The following PAPPA variants were observed in gnomAD, a reference collection of about 807,000 sequenced individuals.
PAPPA encodes the protein pappalysin 1.
In PAPPA, 60 loss-of-function variants were observed where a neutral mutation model predicts 164.0. That is an observed-to-expected ratio of 0.37 (90% CI 0.30 to 0.45). The LOEUF is 0.45. Ranked by LOEUF, PAPPA falls within the 20% of genes least tolerant of loss-of-function variation. The pLI is 1.00. For missense variants in PAPPA, 1,782 were observed against 2,087.3 expected (o/e 0.85, Z 2.85); for synonymous variants, 875 against 814.1 (o/e 1.07, Z -1.27).
intron 10 of PAPPA, among the ~76,000 whole-genome samples, chr9:116,326,097 A>G (rs1368162639): frequency 6.6e-6 from 1 of 152,160 alleles, no homozygotes; most frequent in South Asian, 2.1e-4. Context: ...CCAATGGTAC[A>G]TAGGCTTTCT....
At chr9:116,239,864 G>T (rs1212353857) in intron 7 of PAPPA, among the ~76,000 whole-genome samples, 1 of 152,096 alleles carries the variant, frequency 6.6e-6, no homozygotes, top group Non-Finnish European at 1.5e-5. Context: ...AGGCTTACAA[G>T]TCAGAGGCCA....
intron 9 of PAPPA, among the ~76,000 whole-genome samples, chr9:116,283,003 T>C (rs1401075943): frequency 6.6e-6 from 1 of 152,218 alleles, no homozygotes; most frequent in African/African-American, 2.4e-5. Flanking sequence ...TGAGTTTTTT[T>C]CATTTTATCT....
intron 15 of PAPPA, among the ~76,000 whole-genome samples, chr9:116,351,555 G>A (rs1037999520): frequency 6.6e-6 from 1 of 152,038 alleles, no homozygotes; most frequent in African/African-American, 2.4e-5. Flanking sequence ...GAATAATAAG[G>A]GCCCTGCTGA....
At chr9:116,179,707 C>T (rs554092278) in intron 1 of PAPPA, among the ~76,000 whole-genome samples, 62 of 152,220 alleles carry the variant, frequency 4.1e-4, no homozygotes, top group South Asian at 8.3e-4. Context: ...GTCTCCCCCC[C>T]GACTGAACCA....
At chr9:116,360,743 T>G (rs766482432) in intron 17 of PAPPA, among the ~76,000 whole-genome samples, 2 of 152,214 alleles carry the variant, frequency 1.3e-5, no homozygotes, top group Non-Finnish European at 2.9e-5. Flanking sequence ...CAAAAATATC[T>G]ATTAAGTGAT....
At chr9:116,385,875 C>G (rs756309622) in intron 21 of PAPPA, among the ~76,000 whole-genome samples, 6 of 152,140 alleles carry the variant, frequency 3.9e-5, no homozygotes, top group Non-Finnish European at 7.3e-5. Context: ...ATTAGAGGAG[C>G]CTGTTATTAA....
At chr9:116,246,238 C>A (rs1402341490) in intron 7 of PAPPA, among the ~76,000 whole-genome samples, 1 of 152,104 alleles carries the variant, frequency 6.6e-6, no homozygotes, top group Non-Finnish European at 1.5e-5. Context: ...ATGTCCTCAA[C>A]AGATTTTTCC....
chr9:116,213,730 C>A (rs1412287740), intron 4 of PAPPA, among the ~76,000 whole-genome samples: 4 of 151,988 alleles, frequency 2.6e-5, no homozygotes, highest in Admixed American at 6.6e-5. Context: ...TTTAAAGGAA[C>A]CCCTCAGCTC....
intron 7 of PAPPA, among the ~76,000 whole-genome samples, chr9:116,246,292 A>G (rs1229170465): frequency 6.6e-6 from 1 of 152,198 alleles, no homozygotes; most frequent in Non-Finnish European, 1.5e-5. Context: ...TAACGGGCCC[A>G]CATACACCCA....
chr9:116,377,456 G>A, intron 19 of PAPPA, 120 bp from the exon 20 acceptor site: 1 of 649,524 alleles, frequency 1.5e-6, no homozygotes, highest in Non-Finnish European at 2.8e-6. Context: ...GTAAAAGCCA[G>A]GGTGAGGTCA....
intron 7 of PAPPA, among the ~76,000 whole-genome samples, chr9:116,239,100 C>A (rs1231178755): frequency 6.6e-6 from 1 of 151,758 alleles, no homozygotes; most frequent in African/African-American, 2.4e-5. Flanking sequence ...TTTTTTCTCT[C>A]AACAAAAATA....
chr9:116,207,422 C>T, intron 2 of PAPPA, 34 bp from the exon 3 acceptor site: 1 of 1,579,638 alleles, frequency 6.3e-7, no homozygotes, highest in Non-Finnish European at 8.6e-7. Flanking sequence ...TTTTTGGGGG[C>T]ATGATAACAG....
chr9:116,167,835 C>T (rs1843733688), intron 1 of PAPPA, among the ~76,000 whole-genome samples: 1 of 152,186 alleles, frequency 6.6e-6, no homozygotes, highest in African/African-American at 2.4e-5. Flanking sequence ...TCTTGACCTT[C>T]CCTTTCCCAA....
intron 18 of PAPPA, among the ~76,000 whole-genome samples, chr9:116,364,589 C>CAACA (rs1289818827): frequency 2.6e-5 from 4 of 152,154 alleles, no homozygotes; most frequent in African/African-American, 9.7e-5. Context: ...TCTCATACTT[C>CAACA]AACAAACACA....
rs569938488 is a variant in PAPPA at position 116,263,879 on chromosome 9, C to T, written c.2733-1978C>T. 1.4e-4 allele frequency among the ~76,000 whole-genome samples: 21 copies of T among 152,270 alleles called. No homozygotes were observed. In the East Asian group the frequency reaches 1.7e-3, roughly 13 times the overall value. ...TAAATATCATCAGCCGCAAATCACT[C>T]GTGACACATGCCAGAAGTGAAAAAC... is the stretch of plus-strand genomic sequence containing the variant. On this transcript the variant is annotated intron_variant, in intron 7 of 21. Coordinates refer to ENST00000328252, the MANE Select transcript of PAPPA (RefSeq NM_002581.5).
At chr9:116,244,170 G>A (rs1426113681) in intron 7 of PAPPA, among the ~76,000 whole-genome samples, 2 of 152,122 alleles carry the variant, frequency 1.3e-5, no homozygotes, top group African/African-American at 4.8e-5. Flanking sequence ...GTCATTAACA[G>A]CCATAGAAGT....
At chr9:116,214,569 C>T (rs1163692759) in intron 4 of PAPPA, among the ~76,000 whole-genome samples, 1 of 152,148 alleles carries the variant, frequency 6.6e-6, no homozygotes, top group East Asian at 1.9e-4. Flanking sequence ...TCAGATCAAG[C>T]AGGCACCAGG....
At chr9:116,348,566 G>A (rs1237200115) in intron 15 of PAPPA, among the ~76,000 whole-genome samples, 2 of 151,970 alleles carry the variant, frequency 1.3e-5, no homozygotes, top group African/African-American at 4.8e-5. Context: ...GTGTCATGGA[G>A]GTTCATTGTA....
At chr9:116,393,734 G>C (rs1192386971) in intron 21 of PAPPA, among the ~76,000 whole-genome samples, 1 of 152,136 alleles carries the variant, frequency 6.6e-6, no homozygotes, top group Admixed American at 6.5e-5. Flanking sequence ...CAATGAAAAA[G>C]AGCTGGCCAG....
Sources: gnomAD v4.1 joint callset for allele counts (sites outside exome capture counted in the v4.1 genomes callset) on GRCh38, gnomAD v4.1.1 for gene constraint, MANE v1.5 for transcripts, NCBI Gene and HGNC (gene_info 2026-07-23, HGNC 2026-07-21) for gene names.